The following CASK variants were observed in gnomAD, a reference collection of about 807,000 sequenced individuals.
The protein encoded by CASK is peripheral plasma membrane protein CASK.
In CASK, 4 loss-of-function variants were observed where a neutral mutation model predicts 82.9. The ratio of observed to expected loss-of-function variants is 0.05; its 90% CI spans 0.02 to 0.11. CASK has a LOEUF of 0.11. Ranked by LOEUF, CASK falls within the 10% of genes least tolerant of loss-of-function variation. The pLI is 1.00. For synonymous variants in CASK, 259 were observed against 253.5 expected (o/e 1.02, Z -0.20); for missense variants, 358 against 720.9 (o/e 0.50, Z 5.76).
chrX:41,889,648 CTT>C (rs1179034725), intron 1 of CASK, among the ~76,000 whole-genome samples: 1 of 111,921 alleles, frequency 8.9e-6, no homozygotes, highest in East Asian at 2.8e-4. Flanking sequence ...TGTTTTAAAA[CTT>C]AAAACCAGCA....
chrX:41,724,268 T>C (rs2068216606), intron 5 of CASK: 1 of 112,804 alleles, frequency 8.9e-6, no homozygotes, highest in Non-Finnish European at 1.9e-5. Context: ...ATAACCTTAG[T>C]TGGCATAAAC....
chrX:41,823,477 T>G (rs779240888), intron 2 of CASK, among the ~76,000 whole-genome samples: 13 of 110,709 alleles, frequency 1.2e-4, no homozygotes, highest in Non-Finnish European at 2.5e-4. Context: ...CATTTGAAAA[T>G]TATCCTATAT....
chrX:41,870,684 A>G (rs1269759848), intron 1 of CASK, among the ~76,000 whole-genome samples: 1 of 112,056 alleles, frequency 8.9e-6, no homozygotes, highest in Admixed American at 9.4e-5. Context: ...AGATCCTTGC[A>G]TTGGCTGAGA....
chrX:41,829,731 A>G (rs1455325334), intron 2 of CASK, among the ~76,000 whole-genome samples: 1 of 31,186 alleles, frequency 3.2e-5, no homozygotes, highest in African/African-American at 1.9e-4. Context: ...ATATATATAT[A>G]TATATATATA....
At chrX:41,790,932 A>C (rs897510457) in intron 2 of CASK, among the ~76,000 whole-genome samples, 5 of 111,991 alleles carry the variant, frequency 4.5e-5, no homozygotes, top group African/African-American at 1.6e-4. Context: ...CCTACAAATC[A>C]ACTCTAGAGG....
intron 1 of CASK, among the ~76,000 whole-genome samples, chrX:41,862,974 G>C (rs2071522245): frequency 8.9e-6 from 1 of 111,764 alleles, no homozygotes; most frequent in African/African-American, 3.3e-5. Flanking sequence ...TGGTTTCCAT[G>C]GAATATCCAG....
At chrX:41,864,483 T>C (rs1270662231) in intron 1 of CASK, among the ~76,000 whole-genome samples, 1 of 111,936 alleles carries the variant, frequency 8.9e-6, no homozygotes, top group East Asian at 2.8e-4. Flanking sequence ...CTCCACCCCG[T>C]TGCCCATGTA....
intron 1 of CASK, among the ~76,000 whole-genome samples, chrX:41,919,897 G>T (rs1000683780): frequency 1.8e-5 from 2 of 112,161 alleles, no homozygotes; most frequent in Non-Finnish European, 3.8e-5. Context: ...CCACTGGAAA[G>T]AAAACATATT....
At chrX:41,921,627 C>G (rs1033842416) in intron 1 of CASK, among the ~76,000 whole-genome samples, 1 of 110,877 alleles carries the variant, frequency 9.0e-6, no homozygotes, top group African/African-American at 3.3e-5. Flanking sequence ...AACAATAGGG[C>G]AAGGAGTAAC....
intron 2 of CASK, among the ~76,000 whole-genome samples, chrX:41,848,132 G>A (rs1461372441): frequency 1.8e-5 from 2 of 112,443 alleles, no homozygotes. Flanking sequence ...AGGCAGCAAT[G>A]AAATTAAACA....
intron 1 of CASK, among the ~76,000 whole-genome samples, chrX:41,878,490 A>C (rs1238460462): frequency 9.1e-6 from 1 of 110,001 alleles, no homozygotes; most frequent in Non-Finnish European, 1.9e-5. Flanking sequence ...TTATTTCCAT[A>C]GGTTTTTGTG....
rs181653155 is a variant in CASK at position 41,640,725 on chromosome X, T to C, written c.832-4064A>G. ...TTTGAATTGGGTTGTTTGTATGTTT[T>C]CTTATTATTGAGTTTTGAGAATTCT... On this transcript the variant is annotated intron_variant, in intron 8 of 26. Coordinates refer to ENST00000378163, the MANE Select transcript of CASK (RefSeq NM_001367721.1). 5.4e-5 allele frequency among the ~76,000 whole-genome samples: 6 copies of C among 111,660 alleles called. No homozygotes were observed. The Admixed American group carries it at 5.8e-4, about 11-fold the overall frequency.
intron 3 of CASK, among the ~76,000 whole-genome samples, chrX:41,769,195 TTTC>T (rs2069169750): frequency 1.9e-5 from 2 of 107,072 alleles, no homozygotes; most frequent in African/African-American, 6.7e-5. Context: ...TCTTTTTCTT[TTTC>T]TTTTTTTTTT....
At chrX:41,812,283 C>CA (rs994143639) in intron 2 of CASK, among the ~76,000 whole-genome samples, 2 of 110,222 alleles carry the variant, frequency 1.8e-5, no homozygotes, top group Admixed American at 1.9e-4. Flanking sequence ...AGAGGCACAA[C>CA]AAAAAAAAGG....
At position 41,824,712 on chromosome X, in the gene CASK, G is replaced by A. The variant is rs779377490; in HGVS notation, c.172+28403C>T. Among the ~76,000 whole-genome samples the A allele has an allele frequency of 1.3e-4, 15 of 111,565 alleles. No individual in the cohort carries two copies. The South Asian group carries it at 2.7e-3, about 20-fold the overall frequency. On this transcript the variant is annotated intron_variant, in intron 2 of 26. Transcript: ENST00000378163. ...GGATGGCTTCCCCTGGACTCCAGAG[G>A]GCAGATTTCCAATGAGTCCCACTAG...
chrX:41,735,110 C>T (rs1254912489), intron 5 of CASK, among the ~76,000 whole-genome samples: 3 of 110,245 alleles, frequency 2.7e-5, no homozygotes, highest in African/African-American at 9.9e-5. Flanking sequence ...GATCATATGC[C>T]AAGAATTATG....
chrX:41,718,758 A>G lies in CASK; in HGVS notation c.429+20626T>C, dbSNP rs1308859549. The stretch of plus-strand genomic sequence containing the variant: ...TTGATATGAGGCCAAAAGCGCTTTC[A>G]TAGACAAAGCTTCACTGGAGCTTAT... On this transcript the variant is annotated intron_variant, in intron 5 of 26. Transcript: ENST00000378163. 2.1e-4 allele frequency among the ~76,000 whole-genome samples: 24 copies of G among 112,140 alleles called. No individual in the cohort carries two copies. In the Admixed American group the frequency reaches 2.3e-3, roughly 11 times the overall value.
At chrX:41,646,881 G>A (rs893061076) in intron 8 of CASK, among the ~76,000 whole-genome samples, 2 of 111,507 alleles carry the variant, frequency 1.8e-5, no homozygotes, top group African/African-American at 3.3e-5. Context: ...TCTAGGTTCC[G>A]GTAACTTTAC....
At chrX:41,910,579 T>C (rs2072545395) in intron 1 of CASK, among the ~76,000 whole-genome samples, 1 of 112,143 alleles carries the variant, frequency 8.9e-6, no homozygotes, top group Admixed American at 9.4e-5. Context: ...GGCCTAATTC[T>C]GAAGCCACCC....
Sources: allele counts gnomAD v4.1 joint callset (sites outside exome capture counted in the v4.1 genomes callset), GRCh38; gene constraint gnomAD v4.1.1; transcripts MANE v1.5; gene names NCBI Gene and HGNC (gene_info 2026-07-23, HGNC 2026-07-21).